PAPPA2: variants seen among roughly 807,000 people sequenced by gnomAD.
PAPPA2 encodes the protein pappalysin-2.
PAPPA2 carries 86 observed loss-of-function variants against 176.4 expected under a neutral mutation model. The observed-to-expected ratio is 0.49, with a 90% confidence interval of 0.41 to 0.58. The LOEUF is 0.58. Among genes scored for constraint, PAPPA2 ranks in the 20% least tolerant of loss-of-function variants. PAPPA2 has a pLI of 0.00. For missense variants in PAPPA2, 2,073 were observed against 2,256.9 expected (o/e 0.92, Z 1.65); for synonymous variants, 809 against 852.2 (o/e 0.95, Z 0.88).
intron 3 of PAPPA2, among the ~76,000 whole-genome samples, chr1:176,670,726 T>C (rs1198732219): frequency 6.6e-6 from 1 of 152,208 alleles, no homozygotes; most frequent in East Asian, 1.9e-4. Context: ...ATGTCAAATA[T>C]GGAGTATCCA....
chr1:176,595,696 A>G, intron 3 of PAPPA2, 101 bp downstream of exon 3: 5 of 1,141,422 alleles, frequency 4.4e-6, no homozygotes, highest in Admixed American at 2.5e-5. Flanking sequence ...CACTCCCTGA[A>G]TAAGACATTA....
At position 176,828,928 on chromosome 1, in the gene PAPPA2, A is replaced by G. The variant is rs138801248; in HGVS notation, c.5203-11245A>G. Among the ~76,000 whole-genome samples, 73 of 152,186 alleles carry G rather than the reference A, an allele frequency of 4.8e-4. 1 individual carries two copies. The Middle Eastern group carries it at 0.014, about 28-fold the overall frequency. On this transcript the variant is annotated intron_variant, in intron 21 of 22. Coordinates refer to ENST00000367662, the MANE Select transcript of PAPPA2 (RefSeq NM_020318.3). ...TGAGGCAGGAGAATCTTTTGAACCC[A>G]GGAGATGGAGGTTGCAGTGAGCCGA...
intron 1 of PAPPA2, among the ~76,000 whole-genome samples, chr1:176,547,685 T>C (rs1650713667): frequency 6.6e-6 from 1 of 152,186 alleles, no homozygotes; most frequent in African/African-American, 2.4e-5. Context: ...ATGGGGTCTG[T>C]CTTACGCATT....
At chr1:176,740,532 G>A (rs1662630216) in intron 14 of PAPPA2, among the ~76,000 whole-genome samples, 1 of 152,108 alleles carries the variant, frequency 6.6e-6, no homozygotes, top group Non-Finnish European at 1.5e-5. Flanking sequence ...AAAACTCAAT[G>A]TTCCTTAAGC....
At chr1:176,790,196 T>G (rs1665115410) in intron 18 of PAPPA2, among the ~76,000 whole-genome samples, 1 of 152,162 alleles carries the variant, frequency 6.6e-6, no homozygotes, top group Non-Finnish European at 1.5e-5. Context: ...GTAAGAAGAA[T>G]CCAATGGGTA....
intron 21 of PAPPA2, among the ~76,000 whole-genome samples, chr1:176,825,180 A>G (rs569054797): frequency 6.6e-6 from 1 of 152,320 alleles, no homozygotes; most frequent in South Asian, 2.1e-4. Context: ...TCCATCACTA[A>G]AATAGTTAAA....
chr1:176,582,759 A>G, intron 2 of PAPPA2, among the ~76,000 whole-genome samples: 1 of 151,902 alleles, frequency 6.6e-6, no homozygotes, highest in South Asian at 2.1e-4. Flanking sequence ...TATTAGGGTT[A>G]TGCTGGCCTA....
At chr1:176,771,229 G>C in intron 17 of PAPPA2, 49 bp downstream of exon 17, 9 of 1,566,414 alleles carry the variant, frequency 5.7e-6, no homozygotes, top group Non-Finnish European at 7.9e-6. Flanking sequence ...CTCGCTGCTT[G>C]TTATGTTTGT....
chr1:176,682,655 TAAAG>T (rs1659640867), intron 4 of PAPPA2, among the ~76,000 whole-genome samples: 1 of 148,196 alleles, frequency 6.7e-6, no homozygotes, highest in Non-Finnish European at 1.5e-5. Flanking sequence ...CTATAAAAAA[TAAAG>T]ATTCACTTCT....
intron 17 of PAPPA2, among the ~76,000 whole-genome samples, chr1:176,779,481 C>A (rs1664611296): frequency 9.5e-6 from 1 of 105,678 alleles, no homozygotes; most frequent in African/African-American, 3.3e-5. Context: ...ACTCATCACA[C>A]ACACACACAC....
rs182439157 is a variant in PAPPA2 at position 176,564,822 on chromosome 1, A to G, written c.919+7581A>G. On this transcript the variant is annotated intron_variant, in intron 2 of 22. Coordinates refer to ENST00000367662, the MANE Select transcript of PAPPA2 (RefSeq NM_020318.3). ...AATAACGTCTTTAGTATTCTTACAGACTTATCTCAACCTATTATCTCAATT... is the reference window on the plus strand; with the variant it reads ...AATAACGTCTTTAGTATTCTTACAGGCTTATCTCAACCTATTATCTCAATT... Among the ~76,000 whole-genome samples, 226 of 150,928 alleles carry G rather than the reference A, an allele frequency of 1.5e-3. 2 individuals carry two copies. Among genetic ancestry groups the G allele is most frequent in the Non-Finnish European group, 1.7e-3 (112 of 67,864 alleles).
intron 17 of PAPPA2, among the ~76,000 whole-genome samples, chr1:176,771,956 T>A (rs1664249804): frequency 6.6e-6 from 1 of 152,160 alleles, no homozygotes; most frequent in Non-Finnish European, 1.5e-5. Context: ...TCTCCTTCCT[T>A]TCTTCTAGGT....
Position 176,699,336 on chromosome 1 carries a change from C to T in PAPPA2, c.2983C>T (p.His995Tyr), listed in dbSNP as rs1459441533. The T allele has an allele frequency of 6.2e-7, 1 of 1,614,192 alleles. No individual in the cohort carries two copies. The highest frequency in any genetic ancestry group is 1.3e-5 in the African/African-American group (1 of 75,062). ...EILLENKESV[H>Y]LGPLDTFCDI... is the part of the protein sequence containing the mutation. ...CTTGCTGGAAAACAAGGAGTCAGTGCACCTGGGCCCCTTAGACACTTTCTG... is the reference window on the plus strand; with the variant it reads ...CTTGCTGGAAAACAAGGAGTCAGTGTACCTGGGCCCCTTAGACACTTTCTG... The change falls in exon 8 of 23, where the codon CAC becomes TAC. Residue 995 changes from histidine to tyrosine, a missense_variant. Physicochemically the swap from His to Tyr is moderately conservative, Grantham distance 83. Transcript: ENST00000367662.
intron 17 of PAPPA2, among the ~76,000 whole-genome samples, chr1:176,786,003 A>G (rs1215851509): frequency 3.9e-5 from 6 of 152,132 alleles, no homozygotes; most frequent in Non-Finnish European, 8.8e-5. Flanking sequence ...CCCTGCTGTC[A>G]GTGGTATTGC....
At chr1:176,506,110 C>G (rs1190534558) in intron 1 of PAPPA2, among the ~76,000 whole-genome samples, 1 of 152,112 alleles carries the variant, frequency 6.6e-6, no homozygotes, top group Non-Finnish European at 1.5e-5. Flanking sequence ...GGAGTCCCTT[C>G]TCCATTGCTT....
Position 176,638,939 on chromosome 1 carries a change from C to CATGTGCGTGT in PAPPA2, c.1992-32031_1992-32030insATGTGCGTGT, listed in dbSNP as rs1553379103. ...GTGTGTGTGTGTGCATGTGCATGTG[C>CATGTGCGTGT]GTGTGTGTGTGTGTGTGTGTGTGTG... On this transcript the variant is annotated intron_variant, in intron 3 of 22. Transcript: ENST00000367662. Among the ~76,000 whole-genome samples the CATGTGCGTGT allele has an allele frequency of 9.8e-5, 14 of 143,128 alleles. No individual in the cohort carries two copies. The East Asian group carries it at 3.0e-3, about 31-fold the overall frequency. The allele number at this position is 143,128 out of a possible 152,430, so 93.9% of individuals were successfully genotyped here. A position where few individuals can be genotyped will look rare whatever the true frequency, so the allele number is the denominator to read the frequency against.
At chr1:176,523,547 CT>C (rs1303971549) in intron 1 of PAPPA2, among the ~76,000 whole-genome samples, 3 of 152,198 alleles carry the variant, frequency 2.0e-5, no homozygotes, top group African/African-American at 7.2e-5. Flanking sequence ...GTGCTCACAA[CT>C]TTTGAGTTTA....
At chr1:176,588,147 C>T (rs1299857521) in intron 2 of PAPPA2, among the ~76,000 whole-genome samples, 2 of 152,086 alleles carry the variant, frequency 1.3e-5, no homozygotes, top group East Asian at 3.9e-4. Flanking sequence ...GGCTGTATTC[C>T]TAAGTATTTT....
intron 17 of PAPPA2, among the ~76,000 whole-genome samples, chr1:176,782,472 A>T (rs1050061301): frequency 3.3e-5 from 5 of 152,130 alleles, no homozygotes; most frequent in African/African-American, 1.2e-4. Flanking sequence ...CAAAATAAGG[A>T]TGCTTTTGGG....
Sources: gnomAD v4.1 joint callset for allele counts (sites outside exome capture counted in the v4.1 genomes callset) on GRCh38, gnomAD v4.1.1 for gene constraint, MANE v1.5 for transcripts, NCBI Gene and HGNC (gene_info 2026-07-23, HGNC 2026-07-21) for gene names.